Variants in PCED1B observed in about 807,000 individuals in gnomAD.
PCED1B encodes PC-esterase domain-containing protein 1B.
For synonymous variants in PCED1B, 251 were observed against 246.1 expected (o/e 1.02, Z -0.19); for missense variants, 573 against 573.9 (o/e 1.00, Z 0.02).
rs74840196 is a variant in PCED1B, at chr12:47,138,628, G to A, written c.-526+34433G>A. Among the ~76,000 whole-genome samples, 788 of 152,190 alleles carry A rather than the reference G, an allele frequency of 5.2e-3. 5 individuals are homozygous for A. Among genetic ancestry groups the A allele is most frequent in the African/African-American group, 0.017 (720 of 41,488 alleles). On this transcript the variant is annotated intron_variant, in intron 2 of 3. Coordinates refer to ENST00000546455, the MANE Select transcript of PCED1B (RefSeq NM_138371.3). ...AACAGGAGTATCTAAACTCTATGGT[G>A]CCTCATTGTGTACAATGCCTTGAAT...
intron 2 of PCED1B, among the ~76,000 whole-genome samples, chr12:47,190,273 C>A (rs1441903106): frequency 6.6e-6 from 1 of 152,204 alleles, no homozygotes; most frequent in African/African-American, 2.4e-5. Flanking sequence ...TAAATGGGAG[C>A]AAGTGAAAGC....
At chr12:47,083,353 GCACA>G (rs1267815836) in intron 1 of PCED1B, among the ~76,000 whole-genome samples, 1 of 152,044 alleles carries the variant, frequency 6.6e-6, no homozygotes, top group East Asian at 1.9e-4. Context: ...TCGGCGTGAG[GCACA>G]CTGGGTGTTC....
intron 2 of PCED1B, among the ~76,000 whole-genome samples, chr12:47,144,039 T>C (rs1318470710): frequency 6.6e-6 from 1 of 152,176 alleles, no homozygotes; most frequent in African/African-American, 2.4e-5. Flanking sequence ...CCAGGCTGTT[T>C]ATGACATCCT....
At chr12:47,126,974 C>A (rs1463135843) in intron 2 of PCED1B, among the ~76,000 whole-genome samples, 1 of 151,930 alleles carries the variant, frequency 6.6e-6, no homozygotes, top group African/African-American at 2.4e-5. Flanking sequence ...CATTTATTTT[C>A]TCTGTTGTTT....
intron 1 of PCED1B, among the ~76,000 whole-genome samples, chr12:47,098,934 T>A (rs1938590102): frequency 6.6e-6 from 1 of 152,200 alleles, no homozygotes; most frequent in Non-Finnish European, 1.5e-5. Context: ...GGACTTTGTT[T>A]CCTGCTGGTG....
intron 2 of PCED1B, among the ~76,000 whole-genome samples, chr12:47,173,454 G>A (rs61927715): frequency 0.027 from 4,165 of 152,140 alleles, 72 homozygotes; most frequent in Middle Eastern, 0.079. Flanking sequence ...GGGTTTCTCC[G>A]TGTTAGTCAG....
chr12:47,101,049 G>A (rs535468628), intron 1 of PCED1B, among the ~76,000 whole-genome samples: 3 of 151,390 alleles, frequency 2.0e-5, no homozygotes, highest in South Asian at 2.1e-4. Flanking sequence ...CAGCCTGGGC[G>A]ACAGAGTGAG....
At chr12:47,147,677 T>C (rs1410938098) in intron 2 of PCED1B, among the ~76,000 whole-genome samples, 1 of 152,228 alleles carries the variant, frequency 6.6e-6, no homozygotes, top group East Asian at 1.9e-4. Context: ...ACTGTCAGTA[T>C]TTCCACTGAT....
intron 2 of PCED1B, among the ~76,000 whole-genome samples, chr12:47,111,191 C>G (rs1724069755): frequency 6.6e-6 from 1 of 152,074 alleles, no homozygotes; most frequent in Non-Finnish European, 1.5e-5. Context: ...ATCACAAAGC[C>G]ACAAGGACAT....
intron 1 of PCED1B, among the ~76,000 whole-genome samples, chr12:47,089,698 A>G (rs1027728256): frequency 6.6e-6 from 1 of 151,830 alleles, no homozygotes; most frequent in Admixed American, 6.6e-5. Flanking sequence ...ACGTTTGCCA[A>G]TAAGACCAAA....
At chr12:47,102,680 G>A (rs1442354871) in intron 1 of PCED1B, among the ~76,000 whole-genome samples, 1 of 152,168 alleles carries the variant, frequency 6.6e-6, no homozygotes, top group African/African-American at 2.4e-5. Context: ...CAATGGGCCA[G>A]TTACTTAATT....
At chr12:47,152,792 G>A (rs1447698091) in intron 2 of PCED1B, among the ~76,000 whole-genome samples, 5 of 152,006 alleles carry the variant, frequency 3.3e-5, no homozygotes, top group Admixed American at 6.5e-5. Context: ...AACATTAGCC[G>A]GGTGTGGTGG....
At chr12:47,202,594 TAAA>T (rs60769675) in intron 2 of PCED1B, among the ~76,000 whole-genome samples, 1 of 66,674 alleles carries the variant, frequency 1.5e-5, no homozygotes, top group Non-Finnish European at 2.9e-5. Flanking sequence ...TAGACATTAG[TAAA>T]AAAAAAAAAA....
chr12:47,080,313 C>T (rs1370169337), intron 1 of PCED1B, among the ~76,000 whole-genome samples: 1 of 152,198 alleles, frequency 6.6e-6, no homozygotes, highest in Admixed American at 6.5e-5. Context: ...TGGAGACCCA[C>T]TTCGCGGCGG....
At chr12:47,151,507 T>C (rs1940991968) in intron 2 of PCED1B, among the ~76,000 whole-genome samples, 1 of 152,200 alleles carries the variant, frequency 6.6e-6, no homozygotes, top group African/African-American at 2.4e-5. Context: ...CATCAAGCAA[T>C]GTGTGACTGT....
At chr12:47,181,523 C>T (rs1942096286) in intron 2 of PCED1B, among the ~76,000 whole-genome samples, 1 of 151,898 alleles carries the variant, frequency 6.6e-6, no homozygotes, top group Non-Finnish European at 1.5e-5. Context: ...ACCACCATGC[C>T]TGGCTAATTT....
chr12:47,223,507 T>C (rs1253794607), intron 3 of PCED1B: 1 of 152,144 alleles, frequency 6.6e-6, no homozygotes, highest in Non-Finnish European at 1.5e-5. Flanking sequence ...GAGTCAAAGA[T>C]GTTTCCTTTC....
chr12:47,183,363 G>T (rs1407710552), intron 2 of PCED1B, among the ~76,000 whole-genome samples: 1 of 152,190 alleles, frequency 6.6e-6, no homozygotes, highest in Non-Finnish European at 1.5e-5. Context: ...ATTACCTCAA[G>T]GAAGTAGAGA....
At chr12:47,167,270 TG>T (rs1440799222) in intron 2 of PCED1B, among the ~76,000 whole-genome samples, 1 of 152,132 alleles carries the variant, frequency 6.6e-6, no homozygotes, top group South Asian at 2.1e-4. Context: ...AGGCATATTT[TG>T]GGGGGTGTAG....
Sources: gnomAD v4.1 joint callset for allele counts (sites outside exome capture counted in the v4.1 genomes callset) on GRCh38, gnomAD v4.1.1 for gene constraint, MANE v1.5 for transcripts, NCBI Gene and HGNC (gene_info 2026-07-23, HGNC 2026-07-21) for gene names.